Variants in THADA observed in about 807,000 individuals in gnomAD.
The protein encoded by THADA is THADA armadillo repeat containing, also known as tRNA (32-2'-O)-methyltransferase regulator THADA.
Under a neutral mutation model 219.8 loss-of-function variants are expected in THADA, and 213 were observed. The ratio of observed to expected loss-of-function variants is 0.97; its 90% CI spans 0.87 to 1.09. The LOEUF is 1.09. Ranked by LOEUF, THADA falls within the 50% of genes least tolerant of loss-of-function variation. The pLI is 0.00. For missense variants in THADA, 2,956 were observed against 2,311.3 expected (o/e 1.28, Z -5.72); for synonymous variants, 1,018 against 828.9 (o/e 1.23, Z -3.92).
rs377574018 is a variant in THADA at position 43,416,604 on chromosome 2, G to C, written c.4058+11496C>G. ...CATCTCTTGGGGGCTGGTGGTCAGG[G>C]CACAAATGTCCCAGATCAGGAATTT... On this transcript the variant is annotated intron_variant, in intron 28 of 37. Coordinates refer to ENST00000405975, the MANE Select transcript of THADA (RefSeq NM_022065.5). Among the ~76,000 whole-genome samples, 356 of 152,218 alleles carry C rather than the reference G, an allele frequency of 2.3e-3. 9 individuals carry two copies. The South Asian group carries it at 0.047, about 20-fold the overall frequency.
intron 30 of THADA, among the ~76,000 whole-genome samples, chr2:43,331,078 C>T (rs559552794): frequency 7.9e-5 from 12 of 152,236 alleles, no homozygotes; most frequent in South Asian, 2.1e-4. Flanking sequence ...GGTGGGTCTC[C>T]GGGCCCCCAC....
intron 26 of THADA, among the ~76,000 whole-genome samples, chr2:43,436,100 C>T (rs533783763): frequency 1.3e-5 from 2 of 152,126 alleles, no homozygotes; most frequent in African/African-American, 4.8e-5. Context: ...TAAAGTGGCC[C>T]ATGAGTACAT....
intron 36 of THADA, among the ~76,000 whole-genome samples, chr2:43,248,190 GAGAGAGAGAGAGAGAGAGAGAGAGAC>G: frequency 3.0e-5 from 4 of 131,258 alleles, no homozygotes; most frequent in South Asian, 2.4e-4. Context: ...GAGAGAGAGA[GAGAGAGAGAGAGAGAGAGAGAGAGAC>G]AGAGAGAGAG....
chr2:43,345,921 TG>T (rs1451462956), intron 29 of THADA, among the ~76,000 whole-genome samples: 1 of 152,192 alleles, frequency 6.6e-6, no homozygotes, highest in Non-Finnish European at 1.5e-5. Context: ...TCACCTTACT[TG>T]GCAAAAACAA....
rs764389372 is a variant in THADA at position 43,574,395 on chromosome 2, C to A, written c.1670G>T (p.Ser557Ile). 4 of 1,609,114 alleles carry A rather than the reference C, an allele frequency of 2.5e-6. No homozygotes were observed. Among genetic ancestry groups the A allele is most frequent in the East Asian group, 4.5e-5 (2 of 44,872 alleles). Residue 557 changes from serine (S) to isoleucine (I), a missense_variant, in exon 11 of 38, where the codon AGC becomes ATC. Coordinates refer to ENST00000405975, the MANE Select transcript of THADA (RefSeq NM_022065.5). ...TACCATGTACTGTAAGCTTTCAGGG[C>A]TGTAACTTAATAATTTTGGCAAGTA... ...DYYLPKLLSYSPESLQYMVKI... is the reference protein window; with the variant it reads ...DYYLPKLLSYIPESLQYMVKI...
chr2:43,572,008 C>CA, intron 12 of THADA, 146 bp from the exon 13 acceptor site: 1 of 647,040 alleles, frequency 1.5e-6, no homozygotes, highest in South Asian at 2.2e-5. Context: ...TTCCTAATCT[C>CA]AAAGATCCTA....
intron 31 of THADA, among the ~76,000 whole-genome samples, chr2:43,301,170 C>T (rs746077726): frequency 5.9e-5 from 9 of 152,132 alleles, no homozygotes; most frequent in Non-Finnish European, 1.2e-4. Flanking sequence ...AACTTTCACG[C>T]GGGTTGGCAG....
intron 36 of THADA, among the ~76,000 whole-genome samples, chr2:43,267,742 G>C (rs750132711): frequency 2.7e-5 from 4 of 150,788 alleles, no homozygotes; most frequent in African/African-American, 5.0e-5. Flanking sequence ...CACCAAGAAA[G>C]AAGGTGTGCG....
chr2:43,359,935 T>TC (rs1337175598), intron 29 of THADA, among the ~76,000 whole-genome samples: 1 of 151,900 alleles, frequency 6.6e-6, no homozygotes, highest in Non-Finnish European at 1.5e-5. Flanking sequence ...CAACGGGCTT[T>TC]TTTTTTTTTC....
chr2:43,419,940 A>G (rs1309767631), intron 28 of THADA, among the ~76,000 whole-genome samples: 2 of 152,236 alleles, frequency 1.3e-5, no homozygotes, highest in African/African-American at 4.8e-5. Flanking sequence ...CCTGTTAAAT[A>G]GCAAACCATT....
chr2:43,275,562 A>G (rs1016361401), intron 36 of THADA, among the ~76,000 whole-genome samples: 2 of 152,124 alleles, frequency 1.3e-5, no homozygotes, highest in Admixed American at 1.3e-4. Flanking sequence ...TGATCTAGCC[A>G]TCCTTAAGCC....
chr2:43,296,346 G>A (rs1460173780), intron 31 of THADA, among the ~76,000 whole-genome samples: 2 of 151,938 alleles, frequency 1.3e-5, no homozygotes, highest in Non-Finnish European at 1.5e-5. Context: ...CACAATATTG[G>A]CTCACTGCAA....
Position 43,294,895 on chromosome 2 carries a change from C to T in THADA, c.4439-1682G>A, listed in dbSNP as rs182384680. ...CTGGCAGGACTAGGGAATGAGGGTG[C>T]GGACTAGGGTAGGAGTCTCGGGTAC... On this transcript the variant is annotated intron_variant, in intron 31 of 37. Coordinates refer to ENST00000405975, the MANE Select transcript of THADA (RefSeq NM_022065.5). 2.6e-3 allele frequency among the ~76,000 whole-genome samples: 396 copies of T among 152,206 alleles called. 3 individuals are homozygous for T. The highest frequency in any genetic ancestry group is 4.1e-3 in the Non-Finnish European group (277 of 67,998).
At position 43,581,828 on chromosome 2, in the gene THADA, G is replaced by A. The variant is rs1258248593; in HGVS notation, c.634C>T (p.Gln212Ter). 6.2e-7 allele frequency: 1 copy of A among 1,612,500 alleles called. No homozygotes were observed. The highest frequency in any genetic ancestry group is 1.3e-5 in the African/African-American group (1 of 74,852). Residue 212 changes from glutamine (Q) to a stop codon, truncating the protein, a stop_gained, in exon 8 of 38, where the codon CAG (glutamine) becomes TAG (stop). Coordinates refer to ENST00000405975, the MANE Select transcript of THADA (RefSeq NM_022065.5). LOFTEE classifies it high-confidence loss of function. ...MMLVQKVQDF[Q>*]GNLWKTSDSP... ...TCGGAAGTCTTCCAAAGATTTCCCT[G>A]GAAATCTTGTACTTTCTGTACTAAC...
At chr2:43,511,705 T>A (rs948658708) in intron 22 of THADA, among the ~76,000 whole-genome samples, 14 of 152,162 alleles carry the variant, frequency 9.2e-5, no homozygotes, top group African/African-American at 3.4e-4. Context: ...TCCACACATA[T>A]CCCTATTCAT....
chr2:43,511,032 C>A (rs1163619013), intron 22 of THADA, among the ~76,000 whole-genome samples: 1 of 150,422 alleles, frequency 6.6e-6, no homozygotes, highest in Non-Finnish European at 1.5e-5. Context: ...GATTTAGCTA[C>A]CTAAGAAGAA....
intron 30 of THADA, among the ~76,000 whole-genome samples, chr2:43,333,913 C>G (rs1368034739): frequency 1.3e-5 from 2 of 152,190 alleles, no homozygotes; most frequent in Non-Finnish European, 2.9e-5. Flanking sequence ...GGAAGCAGAC[C>G]TAAAACCCAG....
intron 18 of THADA, 128 bp downstream of exon 18, chr2:43,552,076 T>C: frequency 6.6e-7 from 1 of 1,520,188 alleles, no homozygotes; most frequent in Non-Finnish European, 8.8e-7. Flanking sequence ...CGTATGTTTT[T>C]AAATCTGATT....
chr2:43,543,245 A>G (rs12990051), intron 20 of THADA, among the ~76,000 whole-genome samples: 17,597 of 102,818 alleles, frequency 0.17, 1,553 homozygotes, highest in Middle Eastern at 0.23. Flanking sequence ...TGGTGTATAT[A>G]TGCCACATTT....
Sources: allele counts gnomAD v4.1 joint callset (sites outside exome capture counted in the v4.1 genomes callset), GRCh38; gene constraint gnomAD v4.1.1; transcripts MANE v1.5; gene names NCBI Gene and HGNC (gene_info 2026-07-23, HGNC 2026-07-21).